The following IL1RAPL2 variants were observed in gnomAD, a reference collection of about 807,000 sequenced individuals.
IL1RAPL2 encodes X-linked interleukin-1 receptor accessory protein-like 2.
IL1RAPL2 carries 3 observed loss-of-function variants against 44.1 expected under a neutral mutation model. The ratio of observed to expected loss-of-function variants is 0.07; its 90% CI spans 0.03 to 0.18. The LOEUF (loss-of-function observed/expected upper bound fraction) is 0.18. Among genes scored for constraint, IL1RAPL2 ranks in the 10% least tolerant of loss-of-function variants. IL1RAPL2 has a pLI of 1.00. For missense variants in IL1RAPL2, 391 were observed against 496.4 expected, an observed-to-expected ratio of 0.79 and a Z score of 2.02; for synonymous variants, 181 against 178.8, an observed-to-expected ratio of 1.01 and a Z score of -0.10.
At chrX:104,656,914 C>G (rs1930276670) in intron 1 of IL1RAPL2, among the ~76,000 whole-genome samples, 2 of 111,267 alleles carry the variant, frequency 1.8e-5, no homozygotes, top group South Asian at 7.6e-4. Flanking sequence ...GAATTGATCC[C>G]TTTACCATTA....
chrX:104,985,073 C>A (rs1187132877), intron 2 of IL1RAPL2, among the ~76,000 whole-genome samples: 2 of 100,450 alleles, frequency 2.0e-5, no homozygotes, highest in African/African-American at 3.6e-5. Context: ...TTGTTTATCT[C>A]ATTTTGTTTT....
intron 2 of IL1RAPL2, among the ~76,000 whole-genome samples, chrX:105,079,589 C>G (rs1181038363): frequency 1.8e-5 from 2 of 109,378 alleles, no homozygotes; most frequent in Non-Finnish European, 3.8e-5. Flanking sequence ...TTTTCTTAAT[C>G]CAGTCTATCA....
At chrX:105,050,755 C>A (rs974019550) in intron 2 of IL1RAPL2, among the ~76,000 whole-genome samples, 5 of 112,044 alleles carry the variant, frequency 4.5e-5, no homozygotes, top group African/African-American at 1.6e-4. Context: ...TCAGAGGAGA[C>A]CTGCAGTACC....
intron 5 of IL1RAPL2, among the ~76,000 whole-genome samples, chrX:105,390,636 C>T (rs1293267534): frequency 9.1e-6 from 1 of 110,135 alleles, no homozygotes; most frequent in African/African-American, 3.3e-5. Flanking sequence ...TATAACATAA[C>T]ATTCCCCCCA....
At chrX:105,362,519 C>T (rs2035255044) in intron 5 of IL1RAPL2, among the ~76,000 whole-genome samples, 2 of 110,550 alleles carry the variant, frequency 1.8e-5, no homozygotes, top group African/African-American at 6.6e-5. Flanking sequence ...ATAAACTCCA[C>T]GCCCGCCCCC....
intron 6 of IL1RAPL2, among the ~76,000 whole-genome samples, chrX:105,503,665 C>T (rs939735290): frequency 5.4e-5 from 6 of 111,691 alleles, no homozygotes; most frequent in African/African-American, 2.0e-4. Context: ...AAATGGGTAG[C>T]TTAAAACAAA....
chrX:104,602,736 G>A (rs1453969865), intron 1 of IL1RAPL2, among the ~76,000 whole-genome samples: 1 of 111,496 alleles, frequency 9.0e-6, no homozygotes, highest in Non-Finnish European at 1.9e-5. Context: ...ACTGGGCAGA[G>A]CCCACTGCAG....
intron 2 of IL1RAPL2, among the ~76,000 whole-genome samples, chrX:105,036,238 G>A (rs1004903654): frequency 7.1e-5 from 8 of 111,900 alleles, no homozygotes; most frequent in African/African-American, 2.6e-4. Context: ...GAAACACCCT[G>A]GAGCATAGAC....
At chrX:104,940,841 T>C (rs1039872991) in intron 2 of IL1RAPL2, among the ~76,000 whole-genome samples, 12 of 107,720 alleles carry the variant, frequency 1.1e-4, no homozygotes, top group Non-Finnish European at 1.7e-4. Flanking sequence ...ACTCATCATT[T>C]ACATTAGGTA....
intron 2 of IL1RAPL2, among the ~76,000 whole-genome samples, chrX:104,871,951 T>C (rs1446239118): frequency 8.9e-6 from 1 of 111,890 alleles, no homozygotes; most frequent in Non-Finnish European, 1.9e-5. Flanking sequence ...GTGCCTAGCA[T>C]CCTAAAGGAC....
At chrX:105,445,971 A>G (rs753794434) in intron 5 of IL1RAPL2, among the ~76,000 whole-genome samples, 3 of 111,646 alleles carry the variant, frequency 2.7e-5, no homozygotes. Context: ...AGCTATGTCC[A>G]GTGCTGAAAG....
At chrX:105,096,863 A>G (rs773233652) in intron 2 of IL1RAPL2, among the ~76,000 whole-genome samples, 1 of 112,436 alleles carries the variant, frequency 8.9e-6, no homozygotes, top group East Asian at 2.8e-4. Context: ...GTATTAATAA[A>G]AAAGTTAATT....
chrX:104,618,574 G>GC (rs1292071656), intron 1 of IL1RAPL2, among the ~76,000 whole-genome samples: 1 of 111,634 alleles, frequency 9.0e-6, no homozygotes, highest in African/African-American at 3.3e-5. Flanking sequence ...TGAGTGTGGA[G>GC]CAGAGGGACC....
intron 1 of IL1RAPL2, among the ~76,000 whole-genome samples, chrX:104,657,437 T>C (rs962470704): frequency 2.7e-5 from 3 of 111,654 alleles, no homozygotes; most frequent in Non-Finnish European, 3.8e-5. Context: ...AAGTTGAAAC[T>C]GGATCCCTTC....
intron 2 of IL1RAPL2, among the ~76,000 whole-genome samples, chrX:104,734,144 A>G (rs1423334733): frequency 8.9e-6 from 1 of 112,360 alleles, no homozygotes; most frequent in Admixed American, 9.4e-5. Context: ...TAAGAATACA[A>G]TTATCAGTGC....
At chrX:105,032,820 G>A (rs1348461079) in intron 2 of IL1RAPL2, among the ~76,000 whole-genome samples, 1 of 111,357 alleles carries the variant, frequency 9.0e-6, no homozygotes, top group Non-Finnish European at 1.9e-5. Flanking sequence ...AATGTTGACA[G>A]TGGGGTGTTA....
At chrX:104,873,616 C>G (rs1922822138) in intron 2 of IL1RAPL2, among the ~76,000 whole-genome samples, 1 of 110,943 alleles carries the variant, frequency 9.0e-6, no homozygotes, top group Non-Finnish European at 1.9e-5. Flanking sequence ...GGAGGAAGAG[C>G]AAGGCGGTAA....
chrX:104,855,113 G>A (rs12849170), intron 2 of IL1RAPL2, among the ~76,000 whole-genome samples: 1 of 112,223 alleles, frequency 8.9e-6, no homozygotes. Context: ...TCTCATGCCA[G>A]AATATCTATT....
chrX:105,223,003 A>T (rs782562721), intron 3 of IL1RAPL2, among the ~76,000 whole-genome samples: 1 of 110,939 alleles, frequency 9.0e-6, no homozygotes, highest in Non-Finnish European at 1.9e-5. Flanking sequence ...TACAAAAATT[A>T]GCTGGGCGTA....
Sources: gnomAD v4.1 joint callset for allele counts (sites outside exome capture counted in the v4.1 genomes callset) on GRCh38, gnomAD v4.1.1 for gene constraint, MANE v1.5 for transcripts, NCBI Gene and HGNC (gene_info 2026-07-23, HGNC 2026-07-21) for gene names.